The following ABTB2 variants were observed in gnomAD, a reference collection of about 807,000 sequenced individuals.
ABTB2 encodes the protein ankyrin repeat and BTB/POZ domain-containing protein 2.
A neutral mutation model predicts 104.1 loss-of-function variants in ABTB2; 56 were observed. The observed-to-expected ratio is 0.54, with a 90% CI of 0.43 to 0.67. ABTB2 has a LOEUF of 0.67. ABTB2 is among the 30% of genes least tolerant of loss of function. The pLI, the probability that ABTB2 is intolerant of heterozygous loss-of-function variation, is 0.00. For synonymous variants in ABTB2, 606 were observed against 608.2 expected, an observed-to-expected ratio of 1.00 and a Z score of 0.05; for missense variants, 1,279 against 1,407.7, an observed-to-expected ratio of 0.91 and a Z score of 1.46.
At chr11:34,173,509 CA>C (rs1486133032) in intron 3 of ABTB2, among the ~76,000 whole-genome samples, 1 of 152,150 alleles carries the variant, frequency 6.6e-6, no homozygotes, top group Non-Finnish European at 1.5e-5. Context: ...CTTAAGCACA[CA>C]CATGCTCACA....
At chr11:34,279,867 C>T (rs1160289035) in intron 1 of ABTB2, among the ~76,000 whole-genome samples, 1 of 146,536 alleles carries the variant, frequency 6.8e-6, no homozygotes, top group African/African-American at 2.6e-5. Flanking sequence ...CGGCTCACTG[C>T]AACCTTGGCC....
intron 1 of ABTB2, among the ~76,000 whole-genome samples, chr11:34,212,907 G>A (rs188097982): frequency 4.3e-4 from 65 of 152,232 alleles, no homozygotes; most frequent in Admixed American, 3.7e-3. Flanking sequence ...AGAAGCTGGC[G>A]GCCACAGAAC....
intron 1 of ABTB2, among the ~76,000 whole-genome samples, chr11:34,272,454 TC>T (rs1854326969): frequency 6.6e-6 from 1 of 152,018 alleles, no homozygotes; most frequent in African/African-American, 2.4e-5. Context: ...ACGCCTGTGA[TC>T]CCAGCACTTT....
chr11:34,200,032 T>G (rs1853317039), intron 2 of ABTB2, among the ~76,000 whole-genome samples: 1 of 152,100 alleles, frequency 6.6e-6, no homozygotes, highest in African/African-American at 2.4e-5. Context: ...TTGGGCTCCA[T>G]GGGTGGTAGA....
intron 3 of ABTB2, among the ~76,000 whole-genome samples, chr11:34,177,142 C>A (rs975938267): frequency 6.6e-6 from 1 of 152,178 alleles, no homozygotes; most frequent in South Asian, 2.1e-4. Flanking sequence ...AGACAAAGCA[C>A]CACGTGTGGC....
chr11:34,251,765 G>A (rs779629428), intron 1 of ABTB2, among the ~76,000 whole-genome samples: 2 of 152,148 alleles, frequency 1.3e-5, no homozygotes, highest in Non-Finnish European at 2.9e-5. Context: ...TGGAGTGGAG[G>A]ACACAACTGT....
Position 34,160,315 on chromosome 11 carries a change from G to C in ABTB2, c.2436C>G (p.Thr812=). ...GGATGGGACTGCTGCCATAGCAGTG[G>C]GTGAAGATGGTAGCCAGTTGCTGGA... ...SVIQQLATIF[T]HCYGSSPIPS... Residue 812 remains threonine, a synonymous_variant, in exon 12 of 17, where the codon ACC becomes ACG. Transcript: ENST00000435224. 1.2e-6 allele frequency: 2 copies of C among 1,614,182 alleles called. No homozygotes were observed. Among genetic ancestry groups the C allele is most frequent in the Non-Finnish European group, 1.7e-6 (2 of 1,180,008 alleles).
chr11:34,314,043 A>C (rs561296849), intron 1 of ABTB2, among the ~76,000 whole-genome samples: 3 of 152,280 alleles, frequency 2.0e-5, no homozygotes, highest in East Asian at 1.9e-4. Flanking sequence ...CTGGAAACCG[A>C]GGGGGCTGGA....
At chr11:34,285,332 G>C (rs890903967) in intron 1 of ABTB2, among the ~76,000 whole-genome samples, 1 of 152,132 alleles carries the variant, frequency 6.6e-6, no homozygotes, top group Non-Finnish European at 1.5e-5. Flanking sequence ...CACTATCGGG[G>C]GTCCCTGGGG....
At chr11:34,175,266 G>T (rs1387586336) in intron 3 of ABTB2, among the ~76,000 whole-genome samples, 4 of 152,234 alleles carry the variant, frequency 2.6e-5, no homozygotes, top group Admixed American at 2.6e-4. Context: ...CCTTGACTTA[G>T]GATGGGGTTA....
In ABTB2 at chr11:34,251,566, C is replaced by T. The variant is rs73495557; in HGVS notation, c.884-46876G>A. ...ATGTCAGCTATGCTGGGGGAAGCCG[C>T]GCACTCTCTGAGCTATAAGAGAGTA... On this transcript the variant is annotated intron_variant, in intron 1 of 16. Coordinates refer to ENST00000435224, the MANE Select transcript of ABTB2 (RefSeq NM_145804.3). 1.0e-3 allele frequency among the ~76,000 whole-genome samples: 155 copies of T among 152,294 alleles called. 1 individual carries two copies. The highest frequency in any genetic ancestry group is 3.6e-3 in the African/African-American group (150 of 41,564).
intron 1 of ABTB2, among the ~76,000 whole-genome samples, chr11:34,279,951 G>A (rs987548498): frequency 2.0e-5 from 3 of 151,852 alleles, no homozygotes; most frequent in Non-Finnish European, 4.4e-5. Context: ...ACCACACCTG[G>A]CCAGAGACAG....
chr11:34,299,845 A>C (rs1854678121), intron 1 of ABTB2, among the ~76,000 whole-genome samples: 1 of 152,248 alleles, frequency 6.6e-6, no homozygotes, highest in African/African-American at 2.4e-5. Flanking sequence ...CTGGGCTGGC[A>C]GCCTTGCTCC....
Position 34,162,592 on chromosome 11 carries a change from C to T in ABTB2, c.2202G>A (p.Met734Ile), listed in dbSNP as rs750438015. Reference sequence around the variant, plus strand: ...AGGCCTCACCCAGTGCCCTCAGCTCCATGGTGATGTCCACGTAGCCGTGCT... The same window carrying T: ...AGGCCTCACCCAGTGCCCTCAGCTCTATGGTGATGTCCACGTAGCCGTGCT... ...SAEHGYVDIT[M>I]ELRALGVPWK... is the part of the protein sequence containing the mutation. The change falls in exon 10 of 17, where the codon ATG (methionine) becomes ATA (isoleucine). Residue 734 changes from methionine to isoleucine, a missense_variant. Transcript: ENST00000435224. The T allele has an allele frequency of 7.4e-6, 12 of 1,613,504 alleles. No homozygotes were observed. The South Asian group carries it at 1.3e-4, about 18-fold the overall frequency.
intron 1 of ABTB2, among the ~76,000 whole-genome samples, chr11:34,320,332 A>G (rs1455238266): frequency 6.6e-6 from 1 of 152,192 alleles, no homozygotes; most frequent in Non-Finnish European, 1.5e-5. Flanking sequence ...TTGGGCTAAC[A>G]TTTGAATGCT....
Position 34,160,991 on chromosome 11 carries a change from T to TC in ABTB2, c.2308dup (p.Asp770GlyfsTer73). 6.2e-7 allele frequency: 1 copy of TC among 1,613,578 alleles called. No individual in the cohort carries two copies. Among genetic ancestry groups the TC allele is most frequent in the Non-Finnish European group, 8.5e-7 (1 of 1,179,832 alleles). On this transcript the variant is annotated frameshift_variant, in exon 11 of 17. Transcript: ENST00000435224. LOFTEE classifies it high-confidence loss of function. ...CTCCTCCTCTCTGATGGAGCTGAAG[T>TC]CCCGCAGGAGGCTCTGCACCACCGA...
At position 34,154,863 on chromosome 11, in the gene ABTB2, C is replaced by T; in HGVS notation, c.2698-94G>A. On this transcript the variant is annotated intron_variant, in intron 14 of 16. Coordinates refer to ENST00000435224, the MANE Select transcript of ABTB2 (RefSeq NM_145804.3). This position sits in a 1 kb window ranked among gnomAD's most constrained non-coding sequence, Gnocchi z 4.9. ...AGGGTACTGCTCCAGCTGCCGCCTC[C>T]AGGGGCCTGTCCCTCTGCAGGTCCC... The T allele has an allele frequency of 1.6e-6, 2 of 1,249,584 alleles. No individual in the cohort carries two copies. The highest frequency in any genetic ancestry group is 2.3e-6 in the Non-Finnish European group (2 of 864,512). 77.4% of individuals were successfully genotyped at this position (1,249,584 alleles called of 1,614,324 possible).
chr11:34,284,908 A>G (rs1171052192), intron 1 of ABTB2, among the ~76,000 whole-genome samples: 2 of 152,136 alleles, frequency 1.3e-5, no homozygotes, highest in Non-Finnish European at 2.9e-5. Flanking sequence ...CCCATTTTTC[A>G]TCACTGACAC....
At chr11:34,174,075 C>T (rs183621215) in intron 3 of ABTB2, among the ~76,000 whole-genome samples, 176 of 152,258 alleles carry the variant, frequency 1.2e-3, no homozygotes, top group African/African-American at 4.0e-3. Context: ...TGGCTCACGC[C>T]TGTAACCTCA....
Sources: gnomAD v4.1 joint callset for allele counts (sites outside exome capture counted in the v4.1 genomes callset) on GRCh38, gnomAD v4.1.1 for gene constraint, Gnocchi (gnomAD v3.1) non-coding constraint, MANE v1.5 for transcripts, NCBI Gene and HGNC (gene_info 2026-07-23, HGNC 2026-07-21) for gene names.